Variants in KMT2C observed in about 807,000 individuals in gnomAD.
KMT2C encodes histone-lysine N-methyltransferase 2C.
Under a neutral mutation model 507.9 loss-of-function variants are expected in KMT2C, and 88 were observed. The ratio of observed to expected loss-of-function variants is 0.17; its 90% CI spans 0.15 to 0.21. KMT2C has a LOEUF of 0.21. Among genes scored for constraint, KMT2C ranks in the 10% least tolerant of loss-of-function variants. KMT2C has a pLI of 1.00. For synonymous variants in KMT2C, 2,049 were observed against 2,080.8 expected, an observed-to-expected ratio of 0.98 and a Z score of 0.42; for missense variants, 4,954 against 5,957.8, an observed-to-expected ratio of 0.83 and a Z score of 5.55.
rs2129132910 is a variant in KMT2C at position 152,199,274 on chromosome 7, C to T, written c.4273+5G>A. 1 of 1,580,746 alleles carries T rather than the reference C, an allele frequency of 6.3e-7. No homozygotes were observed. Among genetic ancestry groups the T allele is most frequent in the Non-Finnish European group, 8.6e-7 (1 of 1,166,610 alleles). On this transcript the variant is annotated splice_donor_5th_base_variant and intron_variant, in intron 27 of 58. Coordinates refer to ENST00000262189, the MANE Select transcript of KMT2C (RefSeq NM_170606.3). ...AAGAAAATATCTGTGAATAATTCTACATACCGTGAGTTCCAGATTTTGTTG... is the reference window on the plus strand; with the variant it reads ...AAGAAAATATCTGTGAATAATTCTATATACCGTGAGTTCCAGATTTTGTTG...
Position 152,205,224 on chromosome 7 carries a change from A to G in KMT2C, c.3843T>C (p.Gly1281=). Residue 1281 remains glycine, a splice_region_variant and synonymous_variant, in exon 25 of 59, where the codon GGT becomes GGC. Coordinates refer to ENST00000262189, the MANE Select transcript of KMT2C (RefSeq NM_170606.3). ...TTTGCCGCACCATAAATCCACCAAT[A>G]CCTATCCAAAAAAGAAATTAGGTAA... ...KKRKRKPYRP[G]IGGFMVRQRS... 6.2e-7 allele frequency: 1 copy of G among 1,610,722 alleles called. No homozygotes were observed. Among genetic ancestry groups the G allele is most frequent in the East Asian group, 2.2e-5 (1 of 44,822 alleles).
intron 39 of KMT2C, among the ~76,000 whole-genome samples, chr7:152,173,759 T>C (rs777958650): frequency 2.0e-5 from 3 of 152,198 alleles, no homozygotes; most frequent in Non-Finnish European, 4.4e-5. Flanking sequence ...GAATTTATAA[T>C]TGCTTTAATC....
intron 38 of KMT2C, among the ~76,000 whole-genome samples, chr7:152,174,588 A>G (rs998200499): frequency 1.3e-5 from 2 of 152,212 alleles, no homozygotes; most frequent in African/African-American, 4.8e-5. Flanking sequence ...TTGCAATACT[A>G]AGGAATTCTA....
intron 42 of KMT2C, among the ~76,000 whole-genome samples, chr7:152,165,459 C>A (rs577644238): frequency 1.3e-5 from 2 of 152,196 alleles, no homozygotes; most frequent in African/African-American, 4.8e-5. Context: ...CATATCTTTA[C>A]AAGAATATTA....
intron 1 of KMT2C, among the ~76,000 whole-genome samples, chr7:152,364,621 G>GAAAAAAAAAA (rs2097223610): frequency 7.8e-6 from 1 of 127,982 alleles, no homozygotes; most frequent in African/African-American, 4.0e-5. Context: ...AAAAAAAAAA[G>GAAAAAAAAAA]AAAAGAAAAA....
intron 1 of KMT2C, among the ~76,000 whole-genome samples, chr7:152,397,047 T>A (rs1213448277): frequency 6.6e-6 from 1 of 152,178 alleles, no homozygotes; most frequent in African/African-American, 2.4e-5. Flanking sequence ...TAAAACCTGT[T>A]TCTCCACTAA....
chr7:152,347,506 T>G (rs1375971958), intron 2 of KMT2C, among the ~76,000 whole-genome samples: 1 of 152,328 alleles, frequency 6.6e-6, no homozygotes, highest in African/African-American at 2.4e-5. Context: ...GGTGTTTTAA[T>G]CAGATATTTG....
intron 52 of KMT2C, among the ~76,000 whole-genome samples, chr7:152,146,945 A>G (rs2091160468): frequency 6.6e-6 from 1 of 152,174 alleles, no homozygotes; most frequent in African/African-American, 2.4e-5. Context: ...TTTGGGGAAA[A>G]TAATAGATTA....
chr7:152,312,450 C>T (rs942695901), intron 4 of KMT2C, among the ~76,000 whole-genome samples: 8 of 152,244 alleles, frequency 5.3e-5, no homozygotes, highest in African/African-American at 1.9e-4. Flanking sequence ...AGTGTGAAAA[C>T]AGAGGCAGGA....
chr7:152,159,045 C>CGTT lies in KMT2C; in HGVS notation c.11487_11488insAAC (p.Gly3829_Gly3830insAsn). On this transcript the variant is annotated inframe_insertion, in exon 44 of 59. Coordinates refer to ENST00000262189, the MANE Select transcript of KMT2C (RefSeq NM_170606.3). ...GGCAACTGGTTGCCACATCCAAAAC[C>CGTT]ACCTTGCATTTGAGCCCCCAAAGTT... is the stretch of plus-strand genomic sequence containing the variant. 6.2e-6 allele frequency: 10 copies of CGTT among 1,614,166 alleles called. No individual in the cohort carries two copies. Among genetic ancestry groups the CGTT allele is most frequent in the Non-Finnish European group, 8.5e-6 (10 of 1,180,026 alleles).
At chr7:152,291,772 A>G (rs2096430916) in intron 6 of KMT2C, among the ~76,000 whole-genome samples, 1 of 152,264 alleles carries the variant, frequency 6.6e-6, no homozygotes, top group Non-Finnish European at 1.5e-5. Context: ...TCTTTCCAAA[A>G]TGACTTGATA....
At chr7:152,191,498 T>G (rs544797752) in intron 31 of KMT2C, among the ~76,000 whole-genome samples, 2 of 152,358 alleles carry the variant, frequency 1.3e-5, no homozygotes, top group East Asian at 3.9e-4. Context: ...CGGAAGTATC[T>G]TTACATGGAA....
Position 152,224,627 on chromosome 7 carries a change from A to G in KMT2C, c.2977-11T>C. ...AACCACTTTAGTGATCTGTAAAAGA[A>G]ACAACCAATCCATGTGATTTATGCA... On this transcript the variant is annotated splice_polypyrimidine_tract_variant and intron_variant, in intron 18 of 58. Coordinates refer to ENST00000262189, the MANE Select transcript of KMT2C (RefSeq NM_170606.3). The G allele has an allele frequency of 7.3e-7, 1 of 1,363,118 alleles. No individual in the cohort carries two copies. Among genetic ancestry groups the G allele is most frequent in the African/African-American group, 1.4e-5 (1 of 70,132 alleles). 84.4% of individuals were successfully genotyped at this position (1,363,118 alleles called of 1,614,324 possible).
chr7:152,244,054 G>C (rs539951025), intron 14 of KMT2C, among the ~76,000 whole-genome samples: 1 of 152,202 alleles, frequency 6.6e-6, no homozygotes, highest in Non-Finnish European at 1.5e-5. Flanking sequence ...TGAGAGAAAT[G>C]GACTGAAGAC....
rs771626937 is a variant in KMT2C, at chr7:152,152,671, G to A, written c.12526+34C>T. The A allele has an allele frequency of 3.7e-5, 59 of 1,607,712 alleles. No individual in the cohort carries two copies. In the Middle Eastern group the frequency reaches 9.9e-4, roughly 27 times the overall value. ...TAAGCTTAACTTTTGAATCAGGAAT[G>A]GATTTGGGGTTAACAAAAAGCTCAC... On this transcript the variant is annotated intron_variant, in intron 49 of 58. Coordinates refer to ENST00000262189, the MANE Select transcript of KMT2C (RefSeq NM_170606.3).
rs188036057 is a variant in KMT2C, at chr7:152,178,813, G to C, written c.7443-803C>G. On this transcript the variant is annotated intron_variant, in intron 37 of 58. Coordinates refer to ENST00000262189, the MANE Select transcript of KMT2C (RefSeq NM_170606.3). Reference sequence around the variant, plus strand: ...AGACTAAAAGACATAAAACTAAAAAGCATATCTTAAAGAACTATTTCCTTA... The same window carrying C: ...AGACTAAAAGACATAAAACTAAAAACCATATCTTAAAGAACTATTTCCTTA... Among the ~76,000 whole-genome samples, 97 of 152,134 alleles carry C rather than the reference G, an allele frequency of 6.4e-4. 1 individual carries two copies. Among genetic ancestry groups the C allele is most frequent in the African/African-American group, 2.1e-3 (87 of 41,506 alleles).
chr7:152,199,257 A>T (rs778003293), intron 27 of KMT2C, 22 bp downstream of exon 27: 2 of 1,548,900 alleles, frequency 1.3e-6, no homozygotes, highest in South Asian at 2.5e-5. Flanking sequence ...TAAAGAAAAT[A>T]TCTGTGAATA....
At chr7:152,227,665 T>C (rs1488051507) in intron 18 of KMT2C, among the ~76,000 whole-genome samples, 8 of 152,166 alleles carry the variant, frequency 5.3e-5, no homozygotes, top group Non-Finnish European at 7.3e-5. Context: ...GCAGTGGAAT[T>C]TGCAGGACAC....
rs2093469394 is a variant in KMT2C, at chr7:152,182,613, A to G, written c.5266-19T>C. On this transcript the variant is annotated intron_variant, in intron 35 of 58. Coordinates refer to ENST00000262189, the MANE Select transcript of KMT2C (RefSeq NM_170606.3). ...GCATTTGCTATTAAAATAGAAAAGA[A>G]AAAGCAATCATATTTAGGTTAAGGA... 6.6e-7 allele frequency: 1 copy of G among 1,526,642 alleles called. No individual in the cohort carries two copies. The highest frequency in any genetic ancestry group is 2.3e-5 in the East Asian group (1 of 43,778). The allele number at this position is 1,526,642 out of a possible 1,614,324, so 94.6% of individuals were successfully genotyped here. A position where few individuals can be genotyped will look rare whatever the true frequency, so the allele number is the denominator to read the frequency against.
Sources: allele counts gnomAD v4.1 joint callset (sites outside exome capture counted in the v4.1 genomes callset), GRCh38; gene constraint gnomAD v4.1.1; transcripts MANE v1.5; gene names NCBI Gene and HGNC (gene_info 2026-07-23, HGNC 2026-07-21).